The following CREB3L3 variants were observed in gnomAD, a reference collection of about 807,000 sequenced individuals.
The protein encoded by CREB3L3 is cAMP responsive element binding protein 3 like 3.
CREB3L3 carries 40 observed loss-of-function variants against 44.6 expected under a neutral mutation model. The ratio of observed to expected loss-of-function variants is 0.90; its 90% CI spans 0.70 to 1.17. The LOEUF (loss-of-function observed/expected upper bound fraction) is 1.17. Among genes scored for constraint, CREB3L3 ranks in the 50% most tolerant of loss-of-function variants. The pLI is 0.00. For synonymous variants in CREB3L3, 273 were observed against 256.3 expected, an observed-to-expected ratio of 1.06 and a Z score of -0.62; for missense variants, 578 against 595.8, an observed-to-expected ratio of 0.97 and a Z score of 0.31.
intron 1 of CREB3L3, among the ~76,000 whole-genome samples, chr19:4,154,006 C>A (rs2041541205): frequency 6.6e-6 from 1 of 152,208 alleles, no homozygotes; most frequent in East Asian, 1.9e-4. Flanking sequence ...GCTGTGAAGG[C>A]CTGAGAGGCA....
chr19:4,154,937 C>T lies in CREB3L3; in HGVS notation c.66C>T (p.Ser22=), dbSNP rs2041552659. Reference sequence around the variant, plus strand: ...CCTGCTCCATGGACCCCATCGACAGCTTTGAGCTCCTGGATCTCCTGTTTG... The same window carrying T: ...CCTGCTCCATGGACCCCATCGACAGTTTTGAGCTCCTGGATCTCCTGTTTG... ...SAACSMDPID[S]FELLDLLFDR... The change falls in exon 2 of 10, where the codon AGC becomes AGT. Residue 22 remains serine, a synonymous_variant. Coordinates refer to ENST00000078445, the MANE Select transcript of CREB3L3 (RefSeq NM_032607.3). The T allele has an allele frequency of 6.2e-7, 1 of 1,613,888 alleles. No individual in the cohort carries two copies.
chr19:4,153,876 G>A, intron 1 of CREB3L3, 102 bp downstream of exon 1: 1 of 1,317,542 alleles, frequency 7.6e-7, no homozygotes, highest in Non-Finnish European at 1.1e-6. Context: ...CTATTGTACA[G>A]ATGGGAAGAC....
At chr19:4,170,287 G>A in intron 7 of CREB3L3, 79 bp downstream of exon 7, 1 of 1,368,118 alleles carries the variant, frequency 7.3e-7, no homozygotes, top group South Asian at 1.2e-5. Flanking sequence ...GAGAGCCCAT[G>A]TGATGGCAGA....
In CREB3L3 at chr19:4,164,550, G is replaced by C. The variant is rs1305333556; in HGVS notation, c.624G>C (p.Gly208=). The change falls in exon 5 of 10, where the codon GGG becomes GGC. Residue 208 remains glycine (G), a synonymous_variant. Transcript: ENST00000078445. ...GASYLLRPGA[G]HCQELVLTED... Reference sequence around the variant, plus strand: ...CCTACCTCCTGCGACCTGGGGCTGGGCACTGTCAGGAGCTGGTGCTCACCG... The same window carrying C: ...CCTACCTCCTGCGACCTGGGGCTGGCCACTGTCAGGAGCTGGTGCTCACCG... The C allele has an allele frequency of 6.2e-7, 1 of 1,613,954 alleles. No homozygotes were observed. Among genetic ancestry groups the C allele is most frequent in the African/African-American group, 1.3e-5 (1 of 74,902 alleles).
chr19:4,159,694 C>A lies in CREB3L3; in HGVS notation c.488C>A (p.Ala163Asp). Residue 163 changes from alanine to aspartate, a missense_variant, in exon 4 of 10, where the codon GCT becomes GAT. Transcript: ENST00000078445. Reference sequence around the variant, plus strand: ...TGGAGCCCAGGAGGAAGGATCTGTGCTGAGAAGCCGGCTGATCCGGTGGAC... The same window carrying A: ...TGGAGCCCAGGAGGAAGGATCTGTGATGAGAAGCCGGCTGATCCGGTGGAC... ...EMWSPGGRIC[A>D]EKPADPVDLS... 6.3e-7 allele frequency: 1 copy of A among 1,588,068 alleles called. No individual in the cohort carries two copies. The highest frequency in any genetic ancestry group is 8.6e-7 in the Non-Finnish European group (1 of 1,156,246).
At chr19:4,170,072 G>A (rs1270010036) in intron 6 of CREB3L3, 68 bp from the exon 7 acceptor site, 5 of 1,473,244 alleles carry the variant, frequency 3.4e-6, no homozygotes. Context: ...AGGCCTCTGG[G>A]GGAGATGTCA....
rs775056463 is a variant in CREB3L3, at chr19:4,164,490, A to AT, written c.577-7dup. The stretch of plus-strand genomic sequence containing the variant: ...CCCTGCACCCGCCGTCATTCCTCTG[A>AT]TTTTTTCCGTAGCAACAGCATCACC... On this transcript the variant is annotated splice_polypyrimidine_tract_variant and intron_variant, in intron 4 of 9. Transcript: ENST00000078445. The AT allele has an allele frequency of 1.1e-5, 17 of 1,613,420 alleles. No homozygotes were observed. The highest frequency in any genetic ancestry group is 3.3e-4 in the Middle Eastern group (2 of 6,080).
In CREB3L3 at chr19:4,171,528, C is replaced by A. The variant is rs555935936; in HGVS notation, c.1072+49C>A. On this transcript the variant is annotated intron_variant, in intron 9 of 9. Coordinates refer to ENST00000078445, the MANE Select transcript of CREB3L3 (RefSeq NM_032607.3). The surrounding 1 kb of genome is among the most constrained non-coding windows in gnomAD (Gnocchi z 4.9). ...CCCTTGTCTGGTCTCCCCAAGTCCC[C>A]GTCCTGGGCCTCTGGGGGAGGGGGA... 6.2e-7 allele frequency: 1 copy of A among 1,605,920 alleles called. No homozygotes were observed. Among genetic ancestry groups the A allele is most frequent in the East Asian group, 2.2e-5 (1 of 44,804 alleles).
chr19:4,171,356 G>T lies in CREB3L3; in HGVS notation c.976-27G>T, dbSNP rs376072839. 1 of 1,600,392 alleles carries T rather than the reference G, an allele frequency of 6.2e-7. No homozygotes were observed. The highest frequency in any genetic ancestry group is 8.6e-7 in the Non-Finnish European group (1 of 1,167,640). On this transcript the variant is annotated intron_variant, in intron 8 of 9. Transcript: ENST00000078445. This position sits in a 1 kb window ranked among gnomAD's most constrained non-coding sequence, Gnocchi z 4.9. ...ATGCTTGCAGGGGAGGGGAGGGAGG[G>T]GGTGACTCTGCCGCTGTCTCCACCA...
chr19:4,155,336 C>T (rs1896565125), intron 2 of CREB3L3, among the ~76,000 whole-genome samples: 1 of 151,650 alleles, frequency 6.6e-6, no homozygotes, highest in Non-Finnish European at 1.5e-5. Context: ...TCTTCTCCTT[C>T]CTCTCCTTCC....
intron 5 of CREB3L3, among the ~76,000 whole-genome samples, chr19:4,168,086 C>T: frequency 6.6e-6 from 1 of 151,674 alleles, no homozygotes. Context: ...GCAACCTCCG[C>T]CTCCCGGGTT....
chr19:4,155,772 A>G (rs1432051094), intron 2 of CREB3L3, among the ~76,000 whole-genome samples: 32 of 106,472 alleles, frequency 3.0e-4, no homozygotes, highest in African/African-American at 1.2e-3. Flanking sequence ...TTTGAGATAG[A>G]GTTTCACTCT....
intron 5 of CREB3L3, 132 bp downstream of exon 5, chr19:4,164,772 G>T: frequency 9.2e-7 from 1 of 1,081,526 alleles, no homozygotes. Context: ...GCAGTGGCAC[G>T]ATCTCAGCTT....
Position 4,156,540 on chromosome 19 carries a change from T to A in CREB3L3, c.157-455T>A, listed in dbSNP as rs2041580784. On this transcript the variant is annotated intron_variant, in intron 2 of 9. Transcript: ENST00000078445. ...TTTTTTTTGAGATGGAGTCTTGCTC[T>A]GTTGCCTAGGGTGGAGTGCGGTGGC... is the stretch of plus-strand genomic sequence containing the variant. Among the ~76,000 whole-genome samples the A allele has an allele frequency of 1.4e-5, 2 of 147,902 alleles. 1 individual carries two copies. Among genetic ancestry groups the A allele is most frequent in the Non-Finnish European group, 3.0e-5 (2 of 67,038 alleles).
chr19:4,156,376 G>A (rs920226792), intron 2 of CREB3L3, among the ~76,000 whole-genome samples: 8 of 151,386 alleles, frequency 5.3e-5, no homozygotes, highest in South Asian at 4.2e-4. Flanking sequence ...TAGTAGAGAC[G>A]GGGTTTCTCC....
intron 4 of CREB3L3, among the ~76,000 whole-genome samples, chr19:4,160,182 G>C (rs1338478932): frequency 6.6e-6 from 1 of 151,474 alleles, no homozygotes; most frequent in African/African-American, 2.4e-5. Flanking sequence ...TGTGGTCCCA[G>C]CTACTCGGGA....
chr19:4,172,234 T>A lies in CREB3L3; in HGVS notation c.*265T>A, dbSNP rs1023274794. On this transcript the variant is annotated 3_prime_UTR_variant, in exon 10 of 10. Coordinates refer to ENST00000078445, the MANE Select transcript of CREB3L3 (RefSeq NM_032607.3). ...AGCAGAAGCAAAGAGCAGACACACA[T>A]ACAGCCTGAAACAGACCTGGACAGA... 1 of 579,926 alleles carries A rather than the reference T, an allele frequency of 1.7e-6. No homozygotes were observed. Among genetic ancestry groups the A allele is most frequent in the Admixed American group, 3.1e-5 (1 of 32,758 alleles). 35.9% of individuals were successfully genotyped at this position (579,926 alleles called of 1,614,324 possible).
At chr19:4,163,102 T>C (rs1487517283) in intron 4 of CREB3L3, among the ~76,000 whole-genome samples, 2 of 151,904 alleles carry the variant, frequency 1.3e-5, no homozygotes, top group African/African-American at 4.8e-5. Flanking sequence ...GGTCAGGAGA[T>C]CGAGACCTTC....
At chr19:4,168,618 A>G (rs1966976358) in intron 6 of CREB3L3, among the ~76,000 whole-genome samples, 161 bp downstream of exon 6, 1 of 152,142 alleles carries the variant, frequency 6.6e-6, no homozygotes, top group Non-Finnish European at 1.5e-5. Flanking sequence ...GGATGGAAAG[A>G]TGCCTAGTGA....
Sources: allele counts gnomAD v4.1 joint callset (sites outside exome capture counted in the v4.1 genomes callset), GRCh38; gene constraint gnomAD v4.1.1; non-coding constraint Gnocchi (gnomAD v3.1); transcripts MANE v1.5; gene names NCBI Gene and HGNC (gene_info 2026-07-23, HGNC 2026-07-21).